Variants in TRPM1 observed in about 807,000 individuals in gnomAD.
TRPM1 encodes the protein TRPM1-203 APA Isoform, Intron 10.
TRPM1 carries 113 observed loss-of-function variants against 149.4 expected under a neutral mutation model. That is an observed-to-expected ratio of 0.76 (90% CI 0.65 to 0.88). The LOEUF is 0.88. Ranked by LOEUF, TRPM1 falls within the 40% of genes least tolerant of loss-of-function variation. TRPM1 has a pLI of 0.00. For synonymous variants in TRPM1, 741 were observed against 759.5 expected (o/e 0.98, Z 0.40); for missense variants, 1,976 against 2,038.7 (o/e 0.97, Z 0.59).
intron 1 of TRPM1, among the ~76,000 whole-genome samples, chr15:31,158,839 T>A (rs1356261028): frequency 5.3e-5 from 8 of 152,140 alleles, no homozygotes; most frequent in Non-Finnish European, 8.8e-5. Flanking sequence ...AATATTATCA[T>A]CTTTAAAGCA....
At chr15:31,106,304 A>G (rs548890206), upstream of TRPM1, among the ~76,000 whole-genome samples, 24 of 138,038 alleles carry the variant, frequency 1.7e-4, 1 homozygote, top group East Asian at 5.9e-3. Flanking sequence ...ATGCCTGGCT[A>G]ATTTTGTATT....
chr15:31,056,841 G>C (rs991960531), intron 11 of TRPM1, among the ~76,000 whole-genome samples: 1 of 152,090 alleles, frequency 6.6e-6, no homozygotes, highest in Admixed American at 6.6e-5. Flanking sequence ...CCTTGATCTT[G>C]GACTTTCCAG....
upstream of TRPM1, among the ~76,000 whole-genome samples, chr15:31,104,806 G>T (rs774741434): frequency 6.6e-6 from 1 of 152,016 alleles, no homozygotes; most frequent in Non-Finnish European, 1.5e-5. Context: ...GTGTTGGCCA[G>T]GATGGTCTCA....
intron 1 of TRPM1, among the ~76,000 whole-genome samples, chr15:31,151,758 A>G (rs1055658343): frequency 6.6e-6 from 1 of 152,106 alleles, no homozygotes; most frequent in Non-Finnish European, 1.5e-5. Flanking sequence ...CTCTGACCTC[A>G]CATCTCCCTC....
chr15:31,157,156 G>A (rs938817536), intron 1 of TRPM1, among the ~76,000 whole-genome samples: 1 of 152,076 alleles, frequency 6.6e-6, no homozygotes, highest in African/African-American at 2.4e-5. Context: ...CAAGCAATCT[G>A]CCCGCTTTGG....
Position 31,070,032 on chromosome 15 carries a change from A to G in TRPM1, c.278T>C (p.Met93Thr), listed in dbSNP as rs1368579510. ...FQGGGYSNKA[M>T]YIRVSYDTKP... ...ACCATGTCTGAATGCCTTTCTCACC[A>G]TGGCTTTATTGGAATATCCGCCACC... Residue 93 changes from methionine to threonine, a missense_variant and splice_region_variant, in exon 4 of 28, where the codon ATG becomes ACG. Physicochemically the swap from Met to Thr is moderately conservative, Grantham distance 81. Coordinates refer to ENST00000256552, the MANE Select transcript of TRPM1 (RefSeq NM_001252024.2). The G allele has an allele frequency of 6.2e-6, 10 of 1,614,008 alleles. No homozygotes were observed. The highest frequency in any genetic ancestry group is 8.5e-6 in the Non-Finnish European group (10 of 1,180,044).
intron 25 of TRPM1, among the ~76,000 whole-genome samples, 167 bp downstream of exon 25, chr15:31,028,165 T>C (rs2032873029): frequency 6.6e-6 from 1 of 152,224 alleles, no homozygotes; most frequent in African/African-American, 2.4e-5. Flanking sequence ...ATGAATACAT[T>C]AAGACTGATT....
At chr15:31,067,027 T>A (rs756120605) in intron 6 of TRPM1, 36 bp downstream of exon 6, 144 of 1,614,094 alleles carry the variant, frequency 8.9e-5, no homozygotes, top group Middle Eastern at 1.7e-4. Context: ...TCATTAATTT[T>A]AAAAAACTGC....
At chr15:31,157,520 T>C (rs1482789737) in intron 1 of TRPM1, among the ~76,000 whole-genome samples, 2 of 152,182 alleles carry the variant, frequency 1.3e-5, no homozygotes, top group African/African-American at 4.8e-5. Flanking sequence ...TGACTTTATG[T>C]GTCTTTTAGC....
At chr15:31,019,443 G>C (rs2032480215) in intron 27 of TRPM1, among the ~76,000 whole-genome samples, 1 of 152,166 alleles carries the variant, frequency 6.6e-6, no homozygotes, top group African/African-American at 2.4e-5. Context: ...TGTCACGCAG[G>C]CTGGAGTGCA....
At chr15:31,153,921 G>A (rs1452946945) in intron 1 of TRPM1, among the ~76,000 whole-genome samples, 2 of 152,178 alleles carry the variant, frequency 1.3e-5, no homozygotes, top group Non-Finnish European at 2.9e-5. Context: ...CTGGAGAGAG[G>A]ACCAGAGTCC....
chr15:31,067,879 C>G lies in TRPM1; in HGVS notation c.493G>C (p.Gly165Arg). ...CGGGAGGGAAAGGGCCTGCTCTTAC[C>G]TGTGCTGACACCCCCGGTGAAGATC... Reference protein sequence around the residue: ...AWIFTGGVSTGVISHVGDALK... With the variant: ...AWIFTGGVSTRVISHVGDALK... The change falls in exon 5 of 28, where the codon GGT becomes CGT. Residue 165 changes from glycine (G) to arginine (R), a missense_variant and splice_region_variant. Coordinates refer to ENST00000256552, the MANE Select transcript of TRPM1 (RefSeq NM_001252024.2). The G allele has an allele frequency of 1.9e-6, 3 of 1,612,586 alleles. No individual in the cohort carries two copies. The highest frequency in any genetic ancestry group is 2.5e-6 in the Non-Finnish European group (3 of 1,179,874).
At chr15:31,073,270 G>A (rs545339812) in intron 3 of TRPM1, among the ~76,000 whole-genome samples, 86 of 152,120 alleles carry the variant, frequency 5.7e-4, no homozygotes, top group African/African-American at 1.8e-3. Context: ...CTACTATTTC[G>A]CCATTGAAAG....
chr15:31,158,451 T>C (rs932334574), intron 1 of TRPM1, among the ~76,000 whole-genome samples: 2 of 151,614 alleles, frequency 1.3e-5, no homozygotes, highest in Non-Finnish European at 2.9e-5. Flanking sequence ...CACAGTGAAA[T>C]GCTGTCTCTA....
intron 24 of TRPM1, among the ~76,000 whole-genome samples, chr15:31,028,735 G>A (rs2032914263): frequency 1.3e-5 from 2 of 151,642 alleles, no homozygotes; most frequent in African/African-American, 4.8e-5. Flanking sequence ...CTGGGTGACT[G>A]AGCGAGACTC....
Position 31,146,968 on chromosome 15 carries a change from CAA to C in TRPM1, c.54+13936_54+13937del, listed in dbSNP as rs893705340. ...ATGTTATTGCACTCCAGCTGGGTAA[CAA>C]AAGCGAAATTCTGTCTCAAAAAAAA... is the stretch of plus-strand genomic sequence containing the variant. On this transcript the variant is annotated intron_variant, in intron 1 of 26. Transcript: ENST00000542188. 8.1e-5 allele frequency among the ~76,000 whole-genome samples: 12 copies of C among 147,936 alleles called. 1 individual carries two copies. The highest frequency in any genetic ancestry group is 7.4e-4 in the Admixed American group (11 of 14,928).
intron 11 of TRPM1, chr15:31,060,120 C>CACACACAT (rs2034184649): frequency 1.1e-5 from 1 of 90,744 alleles, no homozygotes; most frequent in East Asian, 9.0e-4. Context: ...TACACACATA[C>CACACACAT]AGACACACAC....
intron 27 of TRPM1, among the ~76,000 whole-genome samples, chr15:31,019,679 G>C (rs1302489164): frequency 6.6e-6 from 1 of 152,098 alleles, no homozygotes; most frequent in Non-Finnish European, 1.5e-5. Flanking sequence ...TGGGATTACA[G>C]GCTTTCGCCA....
intron 7 of TRPM1, chr15:31,065,225 T>C (rs907205849): frequency 2.1e-6 from 1 of 476,748 alleles, no homozygotes; most frequent in Non-Finnish European, 4.3e-6. Flanking sequence ...CAATGTATTC[T>C]TCGAGATCTG....
Sources: gnomAD v4.1 joint callset for allele counts (sites outside exome capture counted in the v4.1 genomes callset) on GRCh38, gnomAD v4.1.1 for gene constraint, MANE v1.5 for transcripts, NCBI Gene and HGNC (gene_info 2026-07-23, HGNC 2026-07-21) for gene names.